The following DOCK2 variants were observed in gnomAD, a reference collection of about 807,000 sequenced individuals.
DOCK2 encodes the protein dedicator of cytokinesis 2.
In DOCK2, 87 loss-of-function variants were observed where a neutral mutation model predicts 248.9. That is an observed-to-expected ratio of 0.35 (90% CI 0.29 to 0.42). The LOEUF (loss-of-function observed/expected upper bound fraction) is 0.42, where lower values mean the gene tolerates loss of function less well. DOCK2 is among the 10% of genes least tolerant of loss of function. The pLI is 1.00. For missense variants in DOCK2, 1,747 were observed against 2,300.2 expected (o/e 0.76, Z 4.92); for synonymous variants, 805 against 821.6 (o/e 0.98, Z 0.35).
chr5:169,993,287 T>C (rs1778256495), intron 29 of DOCK2, among the ~76,000 whole-genome samples: 1 of 152,220 alleles, frequency 6.6e-6, no homozygotes, highest in South Asian at 2.1e-4. Context: ...GTGGGATTTT[T>C]ATTTCTGTTT....
chr5:169,685,540 A>G (rs1271412747), intron 8 of DOCK2, among the ~76,000 whole-genome samples: 2 of 152,232 alleles, frequency 1.3e-5, no homozygotes, highest in African/African-American at 4.8e-5. Context: ...AAGTTTTTGT[A>G]GAGGCACACA....
intron 27 of DOCK2, among the ~76,000 whole-genome samples, chr5:169,876,123 C>T (rs897853059): frequency 4.6e-5 from 7 of 152,166 alleles, no homozygotes; most frequent in Non-Finnish European, 8.8e-5. Flanking sequence ...TTGCCTCTGG[C>T]GTCACATCTC....
chr5:169,701,662 G>A (rs767661970), intron 13 of DOCK2, among the ~76,000 whole-genome samples: 9 of 152,158 alleles, frequency 5.9e-5, no homozygotes, highest in Non-Finnish European at 8.8e-5. Context: ...CCACAGGCAT[G>A]TGCCACCACA....
chr5:169,791,074 AG>A (rs1424423698), intron 25 of DOCK2, among the ~76,000 whole-genome samples: 7 of 152,192 alleles, frequency 4.6e-5, no homozygotes, highest in Non-Finnish European at 2.9e-5. Flanking sequence ...AACACTAAAC[AG>A]GGTTCTGATT....
chr5:169,680,148 C>T (rs543256999), intron 6 of DOCK2, among the ~76,000 whole-genome samples: 4 of 152,294 alleles, frequency 2.6e-5, no homozygotes, highest in Admixed American at 2.0e-4. Flanking sequence ...TGAGTGTGGA[C>T]AAAGATGTAT....
chr5:170,021,160 G>A (rs1018135590), intron 33 of DOCK2, among the ~76,000 whole-genome samples: 9 of 152,342 alleles, frequency 5.9e-5, no homozygotes, highest in African/African-American at 2.2e-4. Flanking sequence ...AAATCTGGCT[G>A]AGTAGGTCAA....
At chr5:169,637,458 G>T in intron 1 of DOCK2, 89 bp downstream of exon 1, 3 of 1,268,646 alleles carry the variant, frequency 2.4e-6, no homozygotes, top group Non-Finnish European at 3.0e-6. Flanking sequence ...GGCGGCGCGG[G>T]GTGGGCAGGG....
At chr5:169,766,742 C>G (rs1379467847) in intron 25 of DOCK2, among the ~76,000 whole-genome samples, 2 of 152,124 alleles carry the variant, frequency 1.3e-5, no homozygotes, top group African/African-American at 4.8e-5. Context: ...AAAACCTCAC[C>G]AGAATCTGTT....
chr5:169,725,049 T>C (rs905689513), intron 22 of DOCK2, among the ~76,000 whole-genome samples: 5 of 152,208 alleles, frequency 3.3e-5, no homozygotes, highest in Admixed American at 6.5e-5. Flanking sequence ...TGAATAAATA[T>C]TAAAATGTAA....
At chr5:169,840,088 T>A (rs559342968) in intron 26 of DOCK2, among the ~76,000 whole-genome samples, 2 of 152,232 alleles carry the variant, frequency 1.3e-5, no homozygotes, top group Non-Finnish European at 2.9e-5. Flanking sequence ...AATTGGTTCC[T>A]GATTCCACAG....
intron 25 of DOCK2, among the ~76,000 whole-genome samples, chr5:169,771,479 C>T (rs1162303750): frequency 6.6e-6 from 1 of 152,066 alleles, no homozygotes. Flanking sequence ...AGACAGGTTT[C>T]ACCGTGTTGG....
intron 46 of DOCK2, among the ~76,000 whole-genome samples, chr5:170,075,201 C>A (rs1216074330): frequency 1.3e-5 from 2 of 152,146 alleles, no homozygotes; most frequent in African/African-American, 4.8e-5. Context: ...CCTGAGACCA[C>A]ACAACTAAAG....
chr5:170,061,632 C>A (rs941158577), intron 44 of DOCK2, among the ~76,000 whole-genome samples: 1 of 152,188 alleles, frequency 6.6e-6, no homozygotes, highest in Admixed American at 6.5e-5. Flanking sequence ...TGCCCGTAGG[C>A]GAGAAGCCAA....
intron 27 of DOCK2, among the ~76,000 whole-genome samples, chr5:169,843,307 T>G (rs1159370410): frequency 2.5e-5 from 2 of 81,552 alleles, no homozygotes; most frequent in African/African-American, 7.2e-5. Flanking sequence ...TCTCTTTACC[T>G]TTTTTTTAAA....
chr5:169,697,798 A>T (rs1366551381), intron 10 of DOCK2, among the ~76,000 whole-genome samples: 2 of 152,134 alleles, frequency 1.3e-5, no homozygotes, highest in East Asian at 3.9e-4. Flanking sequence ...TCCCACTTCT[A>T]TAATCCCCAT....
At chr5:169,669,210 A>G in intron 2 of DOCK2, 78 bp from the exon 3 acceptor site, 2 of 1,594,398 alleles carry the variant, frequency 1.3e-6, no homozygotes, top group South Asian at 2.2e-5. Flanking sequence ...GTTTAAAACA[A>G]AACAAAACAA....
chr5:170,048,086 A>T (rs921684040), intron 40 of DOCK2, among the ~76,000 whole-genome samples: 6 of 152,186 alleles, frequency 3.9e-5, no homozygotes, highest in African/African-American at 1.4e-4. Context: ...TGAAGTGTTC[A>T]TTTATTTGAA....
intron 27 of DOCK2, among the ~76,000 whole-genome samples, chr5:169,923,440 A>G (rs1775279209): frequency 6.6e-6 from 1 of 152,024 alleles, no homozygotes; most frequent in South Asian, 2.1e-4. Context: ...CTTATTAGCA[A>G]CCTATTTGTT....
intron 6 of DOCK2, among the ~76,000 whole-genome samples, chr5:169,680,590 ATG>A (rs1463226073): frequency 2.0e-5 from 3 of 152,098 alleles, no homozygotes; most frequent in Admixed American, 2.0e-4. Context: ...GCATGGTGGC[ATG>A]TGCCTGTAGT....
Sources: allele counts gnomAD v4.1 joint callset (sites outside exome capture counted in the v4.1 genomes callset), GRCh38; gene constraint gnomAD v4.1.1; transcripts MANE v1.5; gene names NCBI Gene and HGNC (gene_info 2026-07-23, HGNC 2026-07-21).